Variants in NCK2 observed in about 807,000 individuals in gnomAD.
The protein encoded by NCK2 is NCK adaptor protein 2.
In NCK2, 16 loss-of-function variants were observed where a neutral mutation model predicts 33.9. The ratio of observed to expected loss-of-function variants is 0.47; its 90% CI spans 0.32 to 0.72. The LOEUF is 0.72. Ranked by LOEUF, NCK2 falls within the 30% of genes least tolerant of loss-of-function variation. NCK2 has a pLI of 0.03. For missense variants in NCK2, 418 were observed against 537.3 expected, an observed-to-expected ratio of 0.78 and a Z score of 2.19; for synonymous variants, 273 against 239.9, an observed-to-expected ratio of 1.14 and a Z score of -1.27.
chr2:105,764,273 A>G (rs1181580718), intron 1 of NCK2, among the ~76,000 whole-genome samples: 1 of 152,202 alleles, frequency 6.6e-6, no homozygotes, highest in Non-Finnish European at 1.5e-5. Flanking sequence ...TTGCATCCGC[A>G]CCCTGCAGGT....
intron 3 of NCK2, chr2:105,855,633 T>C (rs1407232205): frequency 1.4e-5 from 3 of 214,536 alleles, no homozygotes; most frequent in African/African-American, 6.9e-5. Flanking sequence ...CATGAAGTTC[T>C]TTCTCTCTTA....
chr2:105,861,142 G>A (rs1289168032), intron 3 of NCK2, among the ~76,000 whole-genome samples: 1 of 152,172 alleles, frequency 6.6e-6, no homozygotes, highest in African/African-American at 2.4e-5. Flanking sequence ...TTACTAGGGA[G>A]AAGAGAGCAA....
intron 1 of NCK2, among the ~76,000 whole-genome samples, chr2:105,779,672 G>A (rs1690423915): frequency 6.6e-6 from 1 of 152,232 alleles, no homozygotes; most frequent in Non-Finnish European, 1.5e-5. Context: ...GCAGGTGGAG[G>A]AGAGGAGGAA....
intron 2 of NCK2, among the ~76,000 whole-genome samples, chr2:105,848,879 T>A (rs543924787): frequency 6.6e-6 from 1 of 152,360 alleles, no homozygotes; most frequent in South Asian, 2.1e-4. Context: ...TCAGACTGCA[T>A]GTTGAAAATC....
At chr2:105,824,186 C>A (rs766509881) in intron 2 of NCK2, among the ~76,000 whole-genome samples, 1 of 150,572 alleles carries the variant, frequency 6.6e-6, no homozygotes, top group African/African-American at 2.5e-5. Flanking sequence ...GTGAGTGCCC[C>A]CTCCCTTTAT....
chr2:105,826,872 G>A (rs1423110199), intron 2 of NCK2, among the ~76,000 whole-genome samples: 2 of 152,112 alleles, frequency 1.3e-5, no homozygotes, highest in Admixed American at 6.5e-5. Flanking sequence ...GATAGACCAT[G>A]CAAATACTAA....
At chr2:105,875,990 A>T (rs535508987) in intron 3 of NCK2, among the ~76,000 whole-genome samples, 1 of 152,168 alleles carries the variant, frequency 6.6e-6, no homozygotes, top group Admixed American at 6.5e-5. Flanking sequence ...TCATTCTTTC[A>T]TTCTTTTTCA....
chr2:105,756,278 G>A (rs1483629046), intron 1 of NCK2, among the ~76,000 whole-genome samples: 1 of 152,156 alleles, frequency 6.6e-6, no homozygotes, highest in Non-Finnish European at 1.5e-5. Context: ...GGATAAACAC[G>A]AAATCATCAC....
At chr2:105,846,615 A>G (rs1443859247) in intron 2 of NCK2, 1 of 152,214 alleles carries the variant, frequency 6.6e-6, no homozygotes, top group African/African-American at 2.4e-5. Flanking sequence ...CTGTTCAGTT[A>G]AGAAATTGAT....
intron 4 of NCK2, among the ~76,000 whole-genome samples, chr2:105,891,124 A>C (rs1248883124): frequency 6.6e-6 from 1 of 152,166 alleles, no homozygotes; most frequent in East Asian, 1.9e-4. Context: ...GCACTTATAC[A>C]TTCACACAGA....
intron 2 of NCK2, among the ~76,000 whole-genome samples, chr2:105,837,120 G>A (rs190916552): frequency 7.9e-5 from 12 of 152,226 alleles, no homozygotes; most frequent in South Asian, 2.1e-4. Flanking sequence ...TCTGTCCCTC[G>A]GAGGGTCTTG....
chr2:105,844,149 G>A (rs544345959), intron 2 of NCK2, among the ~76,000 whole-genome samples: 150 of 152,208 alleles, frequency 9.9e-4, no homozygotes, highest in African/African-American at 3.5e-3. Context: ...AAATCCTAAC[G>A]GGTGGGGGGA....
intron 2 of NCK2, among the ~76,000 whole-genome samples, chr2:105,817,557 C>T (rs1310615904): frequency 6.6e-6 from 1 of 152,114 alleles, no homozygotes; most frequent in African/African-American, 2.4e-5. Flanking sequence ...TCCTTAAAAA[C>T]TTTTAATTTG....
At chr2:105,768,762 G>A (rs1305468241) in intron 1 of NCK2, among the ~76,000 whole-genome samples, 1 of 152,156 alleles carries the variant, frequency 6.6e-6, no homozygotes, top group Non-Finnish European at 1.5e-5. Flanking sequence ...GTGTGGCCCA[G>A]GGAAGCCAAA....
rs1678517439 is a variant in NCK2, at chr2:105,881,942, G to A, written c.841G>A (p.Ala281Thr). 6.4e-7 allele frequency: 1 copy of A among 1,560,174 alleles called. No individual in the cohort carries two copies. The highest frequency in any genetic ancestry group is 8.7e-7 in the Non-Finnish European group (1 of 1,154,062). The change falls in exon 4 of 5, where the codon GCG becomes ACG. Residue 281 changes from alanine (A) to threonine (T), a missense_variant. By Grantham distance (58) the Ala-to-Thr change is moderately conservative (BLOSUM62 0). Transcript: ENST00000233154. The part of the protein sequence containing the change: ...YTGPSSSGRF[A>T]GREWYYGNVT... ...CGGGCCCTCGTCCAGCGGGCGCTTCGCGGGCAGAGAGTGGTACTACGGGAA... is the reference window on the plus strand; with the variant it reads ...CGGGCCCTCGTCCAGCGGGCGCTTCACGGGCAGAGAGTGGTACTACGGGAA...
chr2:105,783,453 G>A (rs914081681), intron 1 of NCK2, among the ~76,000 whole-genome samples: 8 of 152,162 alleles, frequency 5.3e-5, no homozygotes, highest in African/African-American at 9.7e-5. Context: ...AAAACAGCTC[G>A]ATGCAGCGTT....
At chr2:105,771,798 C>T (rs1165347370) in intron 1 of NCK2, among the ~76,000 whole-genome samples, 1 of 152,176 alleles carries the variant, frequency 6.6e-6, no homozygotes, top group Admixed American at 6.5e-5. Flanking sequence ...CCATTGTTTT[C>T]TTCTGTCTGA....
intron 2 of NCK2, among the ~76,000 whole-genome samples, chr2:105,836,786 A>G (rs1420585299): frequency 6.6e-6 from 1 of 152,082 alleles, no homozygotes; most frequent in Non-Finnish European, 1.5e-5. Flanking sequence ...GGATGTGGAG[A>G]TGCTGGGGCC....
chr2:105,842,085 G>GTT, intron 2 of NCK2, among the ~76,000 whole-genome samples: 1 of 151,754 alleles, frequency 6.6e-6, no homozygotes, highest in East Asian at 1.9e-4. Flanking sequence ...ATTTGTGGGG[G>GTT]TTTTTTTCTT....
Sources: allele counts gnomAD v4.1 joint callset (sites outside exome capture counted in the v4.1 genomes callset), GRCh38; gene constraint gnomAD v4.1.1; transcripts MANE v1.5; gene names NCBI Gene and HGNC (gene_info 2026-07-23, HGNC 2026-07-21).